B4GALNT3: variants seen among roughly 807,000 people sequenced by gnomAD.
B4GALNT3 encodes the protein beta-1,4-N-acetylgalactosaminyltransferase 3.
A neutral mutation model predicts 120.2 loss-of-function variants in B4GALNT3; 86 were observed. The observed-to-expected ratio is 0.72, with a 90% confidence interval of 0.60 to 0.86. The LOEUF is 0.86. Among genes scored for constraint, B4GALNT3 ranks in the 40% least tolerant of loss-of-function variants. The pLI, the probability that B4GALNT3 is intolerant of heterozygous loss-of-function variation, is 0.00. For missense variants in B4GALNT3, 1,167 were observed against 1,298.9 expected (o/e 0.90, Z 1.56); for synonymous variants, 518 against 510.4 (o/e 1.01, Z -0.20).
chr12:540,127 G>C (rs1946899697), intron 3 of B4GALNT3, among the ~76,000 whole-genome samples: 1 of 152,204 alleles, frequency 6.6e-6, no homozygotes, highest in African/African-American at 2.4e-5. Flanking sequence ...CGGAAGCAGA[G>C]GGCCAGTCAG....
chr12:555,185 A>G (rs1161281791), intron 14 of B4GALNT3: 1 of 333,620 alleles, frequency 3.0e-6, no homozygotes, highest in Admixed American at 4.3e-5. Flanking sequence ...CTCAAAAAAA[A>G]AGAAAAAGAA....
intron 1 of B4GALNT3, among the ~76,000 whole-genome samples, chr12:468,793 C>G (rs1233077393): frequency 6.6e-6 from 1 of 152,232 alleles, no homozygotes; most frequent in Non-Finnish European, 1.5e-5. Flanking sequence ...CTCTTCCACC[C>G]ATTTCTTCTT....
chr12:518,517 TCCTC>T (rs929487612), intron 1 of B4GALNT3, among the ~76,000 whole-genome samples: 6 of 152,050 alleles, frequency 3.9e-5, no homozygotes, highest in African/African-American at 1.4e-4. Context: ...ACTCAAGCAG[TCCTC>T]CCTCCTCAGC....
intron 1 of B4GALNT3, among the ~76,000 whole-genome samples, chr12:512,018 CGCCTTCCACCTTCTACCTTCT>C (rs1438861043): frequency 1.3e-4 from 18 of 140,356 alleles, no homozygotes; most frequent in African/African-American, 5.1e-4. Context: ...TTCCACCTTC[CGCCTTCCACCTTCTACCTTCT>C]GCCTTCCACC....
At chr12:552,213 G>A (rs746247353) in intron 12 of B4GALNT3, 50 bp downstream of exon 12, 22 of 1,498,712 alleles carry the variant, frequency 1.5e-5, no homozygotes, top group South Asian at 3.4e-5. Flanking sequence ...AGGGCTCTGC[G>A]GGAGCCAGGA....
At position 511,013 on chromosome 12, in the gene B4GALNT3, C is replaced by CCTT. The variant is rs1946542797; in HGVS notation, c.170-24153_170-24152insCTT. 6.8e-5 allele frequency among the ~76,000 whole-genome samples: 3 copies of CCTT among 43,860 alleles called. 1 individual carries two copies. The Admixed American group carries it at 9.9e-4, about 14-fold the overall frequency. 28.8% of individuals were successfully genotyped at this position (43,860 alleles called of 152,430 possible). A position where few individuals can be genotyped will look rare whatever the true frequency, so the allele number is the denominator to read the frequency against. ...TTTGGTCTCTATGGATTTGCCTATT[C>CCTT]TTTTTTTTTTTTTTTTTTTTTTTTT... On this transcript the variant is annotated intron_variant, in intron 1 of 19. Coordinates refer to ENST00000266383, the MANE Select transcript of B4GALNT3 (RefSeq NM_173593.4).
Position 558,021 on chromosome 12 carries a change from A to G in B4GALNT3, c.2540A>G (p.Gln847Arg), listed in dbSNP as rs1249299035. The G allele has an allele frequency of 6.2e-7, 1 of 1,613,980 alleles. No homozygotes were observed. Among genetic ancestry groups the G allele is most frequent in the Non-Finnish European group, 8.5e-7 (1 of 1,179,996 alleles). The part of the protein sequence containing the change: ...ALKRSKLRSY[Q>R]YVKLSGNFER... ...CCTCTCTCCCCTTCCTGCAGCTACC[A>G]GTACGTGAAGCTAAGTGGAAACTTT... The change falls in exon 17 of 20, where the codon CAG becomes CGG. Residue 847 changes from glutamine to arginine, a missense_variant. Transcript: ENST00000266383.
intron 1 of B4GALNT3, among the ~76,000 whole-genome samples, chr12:503,447 C>T (rs928850502): frequency 2.0e-5 from 3 of 152,176 alleles, no homozygotes; most frequent in Admixed American, 1.3e-4. Context: ...TCAAATCCTC[C>T]GCAGGCTCTT....
At chr12:558,776 C>CCT in intron 18 of B4GALNT3, 115 bp downstream of exon 18, 1 of 1,160,904 alleles carries the variant, frequency 8.6e-7, no homozygotes, top group East Asian at 2.6e-5. Flanking sequence ...CCTGCCCCAC[C>CCT]CTGCCCTCCT....
chr12:560,704 C>T (rs573920202), intron 19 of B4GALNT3, among the ~76,000 whole-genome samples: 28 of 152,344 alleles, frequency 1.8e-4, no homozygotes, highest in African/African-American at 5.8e-4. Flanking sequence ...TCACCTCCAC[C>T]TTGATCTCTG....
intron 3 of B4GALNT3, among the ~76,000 whole-genome samples, chr12:540,066 G>A (rs1946899036): frequency 6.6e-6 from 1 of 152,216 alleles, no homozygotes; most frequent in South Asian, 2.1e-4. Context: ...CCACTAGCCA[G>A]GTACCCTTGG....
In B4GALNT3 at chr12:510,696, C is replaced by T. The variant is rs75503888; in HGVS notation, c.170-24470C>T. Among the ~76,000 whole-genome samples the T allele has an allele frequency of 5.6e-3, 851 of 152,226 alleles. 8 individuals are homozygous for T. The highest frequency in any genetic ancestry group is 0.02 in the African/African-American group (816 of 41,514). ...TTTGGAAAGAAACCTGTTGCCAGCC[C>T]TCTAGGGATGGTCACAATTAAACAG... On this transcript the variant is annotated intron_variant, in intron 1 of 19. Transcript: ENST00000266383.
At chr12:535,046 C>T in intron 1 of B4GALNT3, 120 bp from the exon 2 acceptor site, 1 of 773,080 alleles carries the variant, frequency 1.3e-6, no homozygotes, top group Non-Finnish European at 2.0e-6. Flanking sequence ...TCTTCCCACC[C>T]ACCCTCTGAA....
At chr12:470,937 C>T (rs868591426) in intron 1 of B4GALNT3, among the ~76,000 whole-genome samples, 2 of 151,808 alleles carry the variant, frequency 1.3e-5, no homozygotes, top group African/African-American at 4.8e-5. Context: ...CCATGTTGGT[C>T]AGGCTGGTCT....
chr12:556,484 A>G, intron 14 of B4GALNT3, 63 bp from the exon 15 acceptor site: 6 of 1,488,368 alleles, frequency 4.0e-6, no homozygotes, highest in Non-Finnish European at 5.5e-6. Flanking sequence ...GGCTTCTCAC[A>G]CACCGTGCTA....
In B4GALNT3 at chr12:552,170, G is replaced by C. The variant is rs371111681; in HGVS notation, c.1208+7G>C. On this transcript the variant is annotated splice_region_variant and intron_variant, in intron 12 of 19. Transcript: ENST00000266383. ...ACGCCTACTACCAAGACCGGTGAGA[G>C]ACACTGAGTGGGGCAGGAAGGTGAC... 1.5e-5 allele frequency: 24 copies of C among 1,591,732 alleles called. No individual in the cohort carries two copies. The highest frequency in any genetic ancestry group is 2.0e-5 in the Non-Finnish European group (23 of 1,159,824).
intron 14 of B4GALNT3, 61 bp from the exon 15 acceptor site, chr12:556,486 A>G: frequency 6.7e-7 from 1 of 1,495,448 alleles, no homozygotes; most frequent in African/African-American, 1.4e-5. Context: ...CTTCTCACAC[A>G]CCGTGCTACC....
chr12:475,288 C>T (rs1411203449), intron 1 of B4GALNT3, among the ~76,000 whole-genome samples: 1 of 152,204 alleles, frequency 6.6e-6, no homozygotes, highest in Non-Finnish European at 1.5e-5. Context: ...CTGCCTGAAG[C>T]TTTACCCAGT....
At chr12:478,350 A>G (rs1162148502) in intron 1 of B4GALNT3, among the ~76,000 whole-genome samples, 3 of 151,862 alleles carry the variant, frequency 2.0e-5, no homozygotes, top group African/African-American at 7.3e-5. Flanking sequence ...GCTTTGATGC[A>G]TGAAAATTGA....
Sources: allele counts gnomAD v4.1 joint callset (sites outside exome capture counted in the v4.1 genomes callset), GRCh38; gene constraint gnomAD v4.1.1; transcripts MANE v1.5; gene names NCBI Gene and HGNC (gene_info 2026-07-23, HGNC 2026-07-21).